The following NRXN3 variants were observed in gnomAD, a reference collection of about 807,000 sequenced individuals.
The protein encoded by NRXN3 is neurexin III.
In NRXN3, 32 loss-of-function variants were observed where a neutral mutation model predicts 137.6. The observed-to-expected ratio is 0.23, with a 90% CI of 0.18 to 0.31. The LOEUF is 0.31. Among genes scored for constraint, NRXN3 ranks in the 10% least tolerant of loss-of-function variants. The pLI is 1.00. For missense variants in NRXN3, 1,574 were observed against 2,062.5 expected, an observed-to-expected ratio of 0.76 and a Z score of 4.59; for synonymous variants, 798 against 784.5, an observed-to-expected ratio of 1.02 and a Z score of -0.29.
At chr14:78,313,213 T>C (rs1368523302) in intron 4 of NRXN3, among the ~76,000 whole-genome samples, 1 of 152,230 alleles carries the variant, frequency 6.6e-6, no homozygotes, top group Non-Finnish European at 1.5e-5. Context: ...TTACTGTCTC[T>C]CTTGCATGCC....
At chr14:78,314,893 C>CTCTTTCTTTCTTTCTTTCTT (rs67628703) in intron 4 of NRXN3, among the ~76,000 whole-genome samples, 124 of 82,136 alleles carry the variant, frequency 1.5e-3, no homozygotes, top group South Asian at 4.9e-3. Context: ...TTCTTTCTTT[C>CTCTTTCTTTCTTTCTTTCTT]TCTTTCTTTC....
intron 15 of NRXN3, among the ~76,000 whole-genome samples, chr14:79,461,498 G>T (rs751679633): frequency 2.0e-5 from 3 of 152,114 alleles, no homozygotes; most frequent in Non-Finnish European, 4.4e-5. Context: ...GAGATGAGCG[G>T]CAGAGGAAAA....
intron 17 of NRXN3, among the ~76,000 whole-genome samples, chr14:79,673,197 C>T (rs750268593): frequency 2.0e-5 from 3 of 152,044 alleles, no homozygotes; most frequent in Non-Finnish European, 4.4e-5. Context: ...CACTTTGAGT[C>T]TTCAGTTCAT....
intron 3 of NRXN3, chr14:78,283,185 T>TGG (rs2074656814): frequency 2.0e-5 from 3 of 152,236 alleles, no homozygotes; most frequent in Non-Finnish European, 4.4e-5. Flanking sequence ...GAACACTTAC[T>TGG]GACCACTTAG....
intron 4 of NRXN3, among the ~76,000 whole-genome samples, chr14:78,356,385 A>T (rs2084307581): frequency 6.6e-6 from 1 of 152,270 alleles, no homozygotes; most frequent in Non-Finnish European, 1.5e-5. Flanking sequence ...CTCACCTCAA[A>T]CATCCACAAG....
At chr14:79,629,700 A>G (rs1029067666) in intron 16 of NRXN3, among the ~76,000 whole-genome samples, 1 of 152,178 alleles carries the variant, frequency 6.6e-6, no homozygotes, top group African/African-American at 2.4e-5. Flanking sequence ...AAGGAAGATG[A>G]CATTCAAAGG....
intron 2 of NRXN3, among the ~76,000 whole-genome samples, chr14:78,261,905 G>T (rs111329617): frequency 0.021 from 3,217 of 152,330 alleles, 58 homozygotes; most frequent in Non-Finnish European, 0.031. Context: ...ACAATCAGGG[G>T]TGATCAAAAC....
intron 10 of NRXN3, among the ~76,000 whole-genome samples, chr14:78,921,254 T>A (rs947827303): frequency 1.4e-4 from 21 of 152,352 alleles, no homozygotes; most frequent in African/African-American, 4.8e-4. Flanking sequence ...CACACAGCCA[T>A]ATGCTGAGCT....
intron 19 of NRXN3, among the ~76,000 whole-genome samples, chr14:79,758,437 C>T (rs543627229): frequency 2.0e-5 from 3 of 151,972 alleles, no homozygotes; most frequent in Non-Finnish European, 4.4e-5. Context: ...GAGGTTCAGG[C>T]AGTTTTTAAC....
At chr14:78,480,957 C>G (rs2095462882) in intron 4 of NRXN3, among the ~76,000 whole-genome samples, 1 of 152,142 alleles carries the variant, frequency 6.6e-6, no homozygotes, top group Non-Finnish European at 1.5e-5. Context: ...TCTACGTTGT[C>G]TCTCCTTTGT....
At chr14:78,623,965 C>T (rs889394760) in intron 4 of NRXN3, among the ~76,000 whole-genome samples, 2 of 152,108 alleles carry the variant, frequency 1.3e-5, no homozygotes, top group African/African-American at 2.4e-5. Flanking sequence ...CCTTACCATC[C>T]GACTAGAAGA....
intron 15 of NRXN3, among the ~76,000 whole-genome samples, chr14:79,231,358 G>A (rs1647675901): frequency 6.6e-6 from 1 of 152,176 alleles, no homozygotes; most frequent in Non-Finnish European, 1.5e-5. Flanking sequence ...CTAAGTTTCA[G>A]TCTAAGCCAA....
At chr14:79,703,751 G>A (rs1252576164) in intron 19 of NRXN3, among the ~76,000 whole-genome samples, 1 of 152,040 alleles carries the variant, frequency 6.6e-6, no homozygotes, top group Non-Finnish European at 1.5e-5. Context: ...CTGGGCAGGT[G>A]ATTAGCCTCT....
chr14:79,848,755 C>T (rs2099385764), intron 20 of NRXN3, among the ~76,000 whole-genome samples: 1 of 152,058 alleles, frequency 6.6e-6, no homozygotes, highest in Non-Finnish European at 1.5e-5. Flanking sequence ...CAGATATGGC[C>T]CAGGTGTTTT....
At chr14:78,187,269 T>TTTTTG (rs1276626413) in intron 1 of NRXN3, among the ~76,000 whole-genome samples, 1 of 148,294 alleles carries the variant, frequency 6.7e-6, no homozygotes, top group East Asian at 2.0e-4. Context: ...GTGTGTGTTT[T>TTTTTG]TTTTTTTTTT....
At chr14:79,017,117 G>C (rs771232814) in intron 15 of NRXN3, among the ~76,000 whole-genome samples, 1 of 152,054 alleles carries the variant, frequency 6.6e-6, no homozygotes, top group Non-Finnish European at 1.5e-5. Flanking sequence ...TAAGGTTAGT[G>C]TTGATCCCTT....
intron 4 of NRXN3, among the ~76,000 whole-genome samples, chr14:78,501,850 T>C (rs1426426257): frequency 2.0e-5 from 3 of 152,118 alleles, no homozygotes; most frequent in African/African-American, 7.2e-5. Context: ...GAATTTTATT[T>C]TTTACAAAGC....
intron 10 of NRXN3, among the ~76,000 whole-genome samples, chr14:78,867,110 A>G (rs943248244): frequency 2.6e-5 from 4 of 151,946 alleles, no homozygotes; most frequent in Admixed American, 6.6e-5. Flanking sequence ...TTACCCTTAT[A>G]TTTTTAAATG....
chr14:78,510,579 T>C (rs1355627737), intron 4 of NRXN3, among the ~76,000 whole-genome samples: 2 of 152,234 alleles, frequency 1.3e-5, no homozygotes, highest in African/African-American at 4.8e-5. Flanking sequence ...CTCACACATG[T>C]AAATTAATCA....
Sources: allele counts gnomAD v4.1 joint callset (sites outside exome capture counted in the v4.1 genomes callset), GRCh38; gene constraint gnomAD v4.1.1; transcripts MANE v1.5; gene names NCBI Gene and HGNC (gene_info 2026-07-23, HGNC 2026-07-21).